The following CSMD3 variants were observed in gnomAD, a reference collection of about 807,000 sequenced individuals.
CSMD3 encodes CUB and Sushi multiple domains 3.
CSMD3 carries 177 observed loss-of-function variants against 435.2 expected under a neutral mutation model. The ratio of observed to expected loss-of-function variants is 0.41; its 90% CI spans 0.36 to 0.46. CSMD3 has a LOEUF of 0.46. Among genes scored for constraint, CSMD3 ranks in the 20% least tolerant of loss-of-function variants. The probability of loss-of-function intolerance (pLI) is 0.34; values close to 1 mark genes in which losing one functional copy is unlikely to be tolerated. For synonymous variants in CSMD3, 1,656 were observed against 1,520.5 expected (o/e 1.09, Z -2.07); for missense variants, 4,265 against 4,504.6 (o/e 0.95, Z 1.52).
At chr8:112,350,985 A>T (rs1161585272) in intron 40 of CSMD3, among the ~76,000 whole-genome samples, 190 bp downstream of exon 40, 1 of 152,052 alleles carries the variant, frequency 6.6e-6, no homozygotes, top group Admixed American at 6.6e-5. Context: ...TTAAATTAAA[A>T]AAAAGAAGAT....
intron 5 of CSMD3, among the ~76,000 whole-genome samples, chr8:113,054,880 T>C (rs1044645235): frequency 6.6e-6 from 1 of 152,160 alleles, no homozygotes; most frequent in Non-Finnish European, 1.5e-5. Context: ...CTCTCTATTC[T>C]GGAACACTGT....
At chr8:112,960,857 G>A (rs543949851) in intron 7 of CSMD3, among the ~76,000 whole-genome samples, 9 of 151,632 alleles carry the variant, frequency 5.9e-5, no homozygotes, top group East Asian at 1.9e-4. Context: ...ATGTAAAATC[G>A]TAATGTACTC....
intron 22 of CSMD3, among the ~76,000 whole-genome samples, chr8:112,632,860 G>C (rs1445993436): frequency 2.7e-5 from 4 of 149,160 alleles, no homozygotes; most frequent in Non-Finnish European, 4.5e-5. Context: ...TTTGCTGTTG[G>C]GTATTTGGTT....
At chr8:113,395,502 G>T (rs1010050566) in intron 1 of CSMD3, among the ~76,000 whole-genome samples, 6 of 151,688 alleles carry the variant, frequency 4.0e-5, no homozygotes, top group Non-Finnish European at 7.4e-5. Flanking sequence ...CCAGCTATTC[G>T]GGAGGCTGAG....
chr8:113,376,899 C>A lies in CSMD3; in HGVS notation c.178+59778G>T, dbSNP rs573477923. The A allele has an allele frequency of 8.2e-5, 131 of 1,593,080 alleles. No individual in the cohort carries two copies. In the East Asian group the frequency reaches 2.8e-3, roughly 35 times the overall value. On this transcript the variant is annotated intron_variant, in intron 1 of 70. Coordinates refer to ENST00000297405, the MANE Select transcript of CSMD3 (RefSeq NM_198123.2). ...AGATGAAGCTTCCTGGCCGGGAAAACAAAACAGCCGTGGTTGTGGGGGCCA... is the reference window on the plus strand; with the variant it reads ...AGATGAAGCTTCCTGGCCGGGAAAAAAAAACAGCCGTGGTTGTGGGGGCCA...
chr8:112,313,275 A>G (rs1370682626), intron 49 of CSMD3, among the ~76,000 whole-genome samples: 1 of 152,174 alleles, frequency 6.6e-6, no homozygotes, highest in Non-Finnish European at 1.5e-5. Flanking sequence ...CACGCAAGGA[A>G]AAGCAGTAGC....
intron 13 of CSMD3, among the ~76,000 whole-genome samples, chr8:112,744,902 C>A (rs1335236121): frequency 6.6e-6 from 1 of 152,126 alleles, no homozygotes; most frequent in African/African-American, 2.4e-5. Context: ...GAAGCTCCAG[C>A]TTTATCTTGA....
At chr8:112,296,402 T>C (rs1820277308) in intron 53 of CSMD3, among the ~76,000 whole-genome samples, 1 of 151,806 alleles carries the variant, frequency 6.6e-6, no homozygotes, top group South Asian at 2.1e-4. Flanking sequence ...ATACAAAAAA[T>C]TAGCCAGGCA....
intron 9 of CSMD3, among the ~76,000 whole-genome samples, chr8:112,933,781 G>A (rs1369838231): frequency 1.3e-5 from 2 of 152,026 alleles, no homozygotes; most frequent in East Asian, 1.9e-4. Flanking sequence ...AGTTCCAAAA[G>A]CCTGAGCTAG....
At chr8:112,540,024 A>C (rs1229152423) in intron 27 of CSMD3, among the ~76,000 whole-genome samples, 1 of 152,086 alleles carries the variant, frequency 6.6e-6, no homozygotes, top group East Asian at 1.9e-4. Context: ...AATAACCAGA[A>C]TATATAAGGA....
intron 3 of CSMD3, among the ~76,000 whole-genome samples, chr8:113,255,173 A>G (rs1210852605): frequency 6.6e-6 from 1 of 152,128 alleles, no homozygotes; most frequent in Non-Finnish European, 1.5e-5. Flanking sequence ...ATTACCTTAG[A>G]CTATCTAAAT....
chr8:112,473,254 C>A (rs1818703099), intron 31 of CSMD3, among the ~76,000 whole-genome samples: 1 of 151,880 alleles, frequency 6.6e-6, no homozygotes, highest in East Asian at 1.9e-4. Flanking sequence ...CTACCTCAGG[C>A]CCAATGTGGT....
At chr8:112,370,768 T>C (rs985586788) in intron 38 of CSMD3, among the ~76,000 whole-genome samples, 1 of 152,190 alleles carries the variant, frequency 6.6e-6, no homozygotes. Context: ...AAATGTTATA[T>C]AGATTACTCC....
chr8:113,077,442 C>A (rs1012808996), intron 5 of CSMD3, among the ~76,000 whole-genome samples: 2 of 152,162 alleles, frequency 1.3e-5, no homozygotes, highest in Non-Finnish European at 2.9e-5. Context: ...TGGCTCACGC[C>A]TGTAATCCCA....
At chr8:113,292,456 C>T (rs1308165543) in intron 2 of CSMD3, among the ~76,000 whole-genome samples, 4 of 151,658 alleles carry the variant, frequency 2.6e-5, no homozygotes, top group African/African-American at 9.7e-5. Context: ...AAACTATGTA[C>T]TGATGTGCAT....
intron 5 of CSMD3, among the ~76,000 whole-genome samples, chr8:113,095,625 CTGTATTAG>C (rs2090141415): frequency 6.6e-6 from 1 of 151,820 alleles, no homozygotes; most frequent in Non-Finnish European, 1.5e-5. Flanking sequence ...TCTGTGGGAT[CTGTATTAG>C]CAGATTCAAC....
At position 112,798,158 on chromosome 8, in the gene CSMD3, C is replaced by T. The variant is rs185826970; in HGVS notation, c.1972+2004G>A. Among the ~76,000 whole-genome samples the T allele has an allele frequency of 3.5e-4, 53 of 151,704 alleles. No individual in the cohort carries two copies. The East Asian group carries it at 6.8e-3, about 19-fold the overall frequency. On this transcript the variant is annotated intron_variant, in intron 13 of 70. Transcript: ENST00000297405. The stretch of plus-strand genomic sequence containing the variant: ...TTTGAACTTTGCCTTGAAGGATGAG[C>T]GAGAAGGTGCTAAGTTAAAATTAAA...
chr8:112,932,666 G>A lies in CSMD3; in HGVS notation c.1509-10915C>T, dbSNP rs563260251. Among the ~76,000 whole-genome samples, 5 of 152,068 alleles carry A rather than the reference G, an allele frequency of 3.3e-5. No individual in the cohort carries two copies. In the South Asian group the frequency reaches 1.0e-3, roughly 32 times the overall value. On this transcript the variant is annotated intron_variant, in intron 9 of 70. Coordinates refer to ENST00000297405, the MANE Select transcript of CSMD3 (RefSeq NM_198123.2). The stretch of plus-strand genomic sequence containing the variant: ...AAAAGAAAAATAGTTACCAGAGGCT[G>A]GGAAGGGTGTGCAGTGTGTGTGTGC...
At chr8:112,376,342 T>A (rs909216133) in intron 38 of CSMD3, among the ~76,000 whole-genome samples, 3 of 152,168 alleles carry the variant, frequency 2.0e-5, no homozygotes, top group African/African-American at 7.2e-5. Flanking sequence ...AAAGAATGAA[T>A]GAATAAATTT....
Sources: gnomAD v4.1 joint callset for allele counts (sites outside exome capture counted in the v4.1 genomes callset) on GRCh38, gnomAD v4.1.1 for gene constraint, MANE v1.5 for transcripts, NCBI Gene and HGNC (gene_info 2026-07-23, HGNC 2026-07-21) for gene names.